The following PHF14 variants were observed in gnomAD, a reference collection of about 807,000 sequenced individuals.
PHF14 encodes PHD finger protein 14.
Under a neutral mutation model 117.9 loss-of-function variants are expected in PHF14, and 55 were observed. The observed-to-expected ratio is 0.47, with a 90% CI of 0.38 to 0.58. The LOEUF is 0.58. Ranked by LOEUF, PHF14 falls within the 20% of genes least tolerant of loss-of-function variation. The pLI is 0.00. For synonymous variants in PHF14, 409 were observed against 368.6 expected, an observed-to-expected ratio of 1.11 and a Z score of -1.26; for missense variants, 978 against 1,122.2, an observed-to-expected ratio of 0.87 and a Z score of 1.84.
intron 5 of PHF14, among the ~76,000 whole-genome samples, chr7:11,020,296 C>T (rs761193506): frequency 1.1e-4 from 17 of 152,088 alleles, no homozygotes; most frequent in Non-Finnish European, 2.1e-4. Context: ...CAACCTGTTG[C>T]CCAGGCTGGT....
intron 17 of PHF14, among the ~76,000 whole-genome samples, chr7:11,125,865 T>C (rs2081954797): frequency 1.3e-5 from 2 of 152,088 alleles, no homozygotes; most frequent in Admixed American, 1.3e-4. Flanking sequence ...ATTAAGTCGG[T>C]TTTTTGTTAA....
intron 17 of PHF14, among the ~76,000 whole-genome samples, chr7:11,157,231 G>A (rs1788889368): frequency 6.6e-6 from 1 of 152,040 alleles, no homozygotes; most frequent in South Asian, 2.1e-4. Flanking sequence ...TTTTGAGGGA[G>A]GAAGAAAGGA....
intron 16 of PHF14, chr7:11,108,352 T>C (rs1787338130): frequency 1.3e-5 from 2 of 151,878 alleles, no homozygotes; most frequent in South Asian, 4.1e-4. Context: ...TTTTCTTTTT[T>C]TCCCCTTCTG....
At position 11,039,286 on chromosome 7, in the gene PHF14, T is replaced by A. The variant is rs144077775; in HGVS notation, c.2076+431T>A. On this transcript the variant is annotated intron_variant, in intron 11 of 17. Coordinates refer to ENST00000634607, the MANE Select transcript of PHF14 (RefSeq NM_001007157.2). ...TAATTTAAAATTAAAAAAGGCAAACTAGAGATATTCATTTTTATGTTAATT... is the reference window on the plus strand; with the variant it reads ...TAATTTAAAATTAAAAAAGGCAAACAAGAGATATTCATTTTTATGTTAATT... 2.5e-3 allele frequency among the ~76,000 whole-genome samples: 382 copies of A among 152,198 alleles called. 2 individuals carry two copies. Among genetic ancestry groups the A allele is most frequent in the African/African-American group, 8.7e-3 (360 of 41,562 alleles).
chr7:11,141,470 T>A (rs1190734681), intron 17 of PHF14, among the ~76,000 whole-genome samples: 2 of 152,088 alleles, frequency 1.3e-5, no homozygotes, highest in Admixed American at 6.6e-5. Context: ...TCCCAAAAAG[T>A]ATATATATCT....
chr7:11,074,937 CTTTTTTTT>C (rs751367742), intron 16 of PHF14, among the ~76,000 whole-genome samples: 1 of 132,424 alleles, frequency 7.6e-6, no homozygotes. Context: ...TTTCAGATAT[CTTTTTTTT>C]TTTTTTTTTT....
chr7:11,044,712 A>T (rs1427364315), intron 13 of PHF14, among the ~76,000 whole-genome samples: 1 of 152,196 alleles, frequency 6.6e-6, no homozygotes, highest in African/African-American at 2.4e-5. Flanking sequence ...CACTTTCTAA[A>T]TATTTTGTCA....
rs187307660 is a variant in PHF14 at position 11,062,235 on chromosome 7, A to G, written c.2654+150A>G. On this transcript the variant is annotated intron_variant, in intron 16 of 17. Coordinates refer to ENST00000634607, the MANE Select transcript of PHF14 (RefSeq NM_001007157.2). ...AGTACTTTAGAAACAGATTTCATCC[A>G]CTTCTTAACCTCTCACACATGGTTA... is the stretch of plus-strand genomic sequence containing the variant. The G allele has an allele frequency of 2.1e-4, 121 of 563,800 alleles. No homozygotes were observed. The East Asian group carries it at 3.6e-3, about 17-fold the overall frequency. 34.9% of individuals were successfully genotyped at this position (563,800 alleles called of 1,614,324 possible).
intron 17 of PHF14, among the ~76,000 whole-genome samples, chr7:11,147,500 T>A (rs538896776): frequency 6.6e-6 from 1 of 152,332 alleles, no homozygotes; most frequent in South Asian, 2.1e-4. Flanking sequence ...TGACTCTTGT[T>A]AATGTCACTT....
In PHF14 at chr7:11,094,505, C is replaced by T. The variant is rs1321462571; in HGVS notation, c.2655-16845C>T. 3.2e-4 allele frequency among the ~76,000 whole-genome samples: 49 copies of T among 152,012 alleles called. 2 individuals carry two copies. The highest frequency in any genetic ancestry group is 3.2e-3 in the Admixed American group (49 of 15,264). ...GCTCTTTCCTGTGATTATATCAGGC[C>T]CCTCTTCTCAAAATTCTTAATCATA... On this transcript the variant is annotated intron_variant, in intron 16 of 17. Transcript: ENST00000634607.
intron 16 of PHF14, among the ~76,000 whole-genome samples, chr7:11,076,522 T>C (rs1191868841): frequency 6.6e-6 from 1 of 151,900 alleles, no homozygotes; most frequent in East Asian, 1.9e-4. Flanking sequence ...GATTGGGAAC[T>C]GAATCTTCTT....
chr7:11,162,883 A>C (rs968116978), intron 17 of PHF14, among the ~76,000 whole-genome samples: 7 of 152,098 alleles, frequency 4.6e-5, no homozygotes, highest in African/African-American at 1.7e-4. Context: ...ACAAAGAAGT[A>C]AAAAGTTACA....
At chr7:10,984,214 A>T (rs1339851748) in intron 3 of PHF14, among the ~76,000 whole-genome samples, 2 of 152,146 alleles carry the variant, frequency 1.3e-5, no homozygotes, top group African/African-American at 4.8e-5. Flanking sequence ...GTGATTATCT[A>T]TTTTAATTGC....
intron 17 of PHF14, among the ~76,000 whole-genome samples, chr7:11,128,443 C>G (rs566702344): frequency 6.6e-6 from 1 of 152,054 alleles, no homozygotes; most frequent in East Asian, 1.9e-4. Context: ...CTCCTCTGTT[C>G]TTTATTCCAA....
chr7:11,042,017 G>C (rs1483694748), intron 12 of PHF14, among the ~76,000 whole-genome samples: 1 of 151,928 alleles, frequency 6.6e-6, no homozygotes, highest in East Asian at 1.9e-4. Context: ...TTGCATAAGA[G>C]AAGTTAGATT....
At chr7:11,025,303 G>A (rs560252721) in intron 6 of PHF14, among the ~76,000 whole-genome samples, 21 of 152,302 alleles carry the variant, frequency 1.4e-4, no homozygotes, top group African/African-American at 5.1e-4. Context: ...TATGAACATT[G>A]TTAAAATTAC....
At chr7:11,082,841 A>G (rs1413408158) in intron 16 of PHF14, among the ~76,000 whole-genome samples, 1 of 152,114 alleles carries the variant, frequency 6.6e-6, no homozygotes, top group Non-Finnish European at 1.5e-5. Context: ...TTCTCTTCAA[A>G]TAGCCTATTA....
chr7:11,016,171 T>A (rs865886026), intron 5 of PHF14, among the ~76,000 whole-genome samples: 3 of 152,182 alleles, frequency 2.0e-5, no homozygotes, highest in Non-Finnish European at 4.4e-5. Context: ...AAAAATTCTT[T>A]TATATACTAT....
chr7:11,018,566 C>T (rs1045826514), intron 5 of PHF14, among the ~76,000 whole-genome samples: 7 of 152,136 alleles, frequency 4.6e-5, no homozygotes, highest in African/African-American at 1.7e-4. Flanking sequence ...GTCACGTAGA[C>T]ATGCTCCTGA....
Sources: gnomAD v4.1 joint callset for allele counts (sites outside exome capture counted in the v4.1 genomes callset) on GRCh38, gnomAD v4.1.1 for gene constraint, MANE v1.5 for transcripts, NCBI Gene and HGNC (gene_info 2026-07-23, HGNC 2026-07-21) for gene names.